NEMP2: variants seen among roughly 807,000 people sequenced by gnomAD.
NEMP2 encodes UPF0571 transmembrane protein.
Under a neutral mutation model 54.2 loss-of-function variants are expected in NEMP2, and 53 were observed. That is an observed-to-expected ratio of 0.98 (90% confidence interval 0.78 to 1.23). The LOEUF (loss-of-function observed/expected upper bound fraction) is 1.23, where lower values mean the gene tolerates loss of function less well. NEMP2 is among the 50% of genes most tolerant of loss of function. NEMP2 has a pLI of 0.00. For synonymous variants in NEMP2, 197 were observed against 190.3 expected (o/e 1.04, Z -0.29); for missense variants, 455 against 511.3 (o/e 0.89, Z 1.06).
chr2:190,534,775 A>AGGCGGAGACCCCGCCTCCCCGG (rs1195813198), upstream of NEMP2: 2 of 713,076 alleles, frequency 2.8e-6, no homozygotes, highest in Non-Finnish European at 3.9e-6. Flanking sequence ...AACGCGGGAA[A>AGGCGGAGACCCCGCCTCCCCGG]GGCGGAGACC....
the NEMP2 span, among the ~76,000 whole-genome samples, chr2:190,472,708 C>A: frequency 6.6e-6 from 1 of 152,046 alleles, no homozygotes; most frequent in South Asian, 2.1e-4. Flanking sequence ...CAAGGCAGGC[C>A]AACATTCAAA....
At chr2:190,556,420 A>C in the NEMP2 span, among the ~76,000 whole-genome samples, 1 of 152,240 alleles carries the variant, frequency 6.6e-6, no homozygotes, top group East Asian at 1.9e-4. Flanking sequence ...AACCGGCACA[A>C]GACATGGATG....
chr2:190,517,440 G>T, intron 5 of NEMP2, 80 bp downstream of exon 5: 1 of 981,942 alleles, frequency 1.0e-6, no homozygotes, highest in Non-Finnish European at 1.5e-6. Context: ...CTATCATAAT[G>T]TGAATTAATT....
At chr2:190,640,784 T>A in the NEMP2 span, among the ~76,000 whole-genome samples, 1 of 131,550 alleles carries the variant, frequency 7.6e-6, no homozygotes, top group South Asian at 2.5e-4. Flanking sequence ...ATTAACACAT[T>A]CAATTTTTTT....
At chr2:190,616,078 A>T in the NEMP2 span, among the ~76,000 whole-genome samples, 1 of 152,252 alleles carries the variant, frequency 6.6e-6, no homozygotes, top group Non-Finnish European at 1.5e-5. This position sits in a 1 kb window ranked among gnomAD's most constrained non-coding sequence, Gnocchi z 5.1. Context: ...TCTGCAGTTT[A>T]ATTTCAGGCC....
the NEMP2 span, among the ~76,000 whole-genome samples, chr2:190,565,733 A>G: frequency 6.6e-6 from 1 of 152,244 alleles, no homozygotes; most frequent in Non-Finnish European, 1.5e-5. Context: ...CCCAACACAG[A>G]GAACCTCAGA....
In NEMP2 at chr2:190,525,318, T is replaced by G. The variant is rs775360448; in HGVS notation, c.158A>C (p.Tyr53Ser). Residue 53 changes from tyrosine (Y) to serine (S), a missense_variant, in exon 2 of 9, where the codon TAC (tyrosine) becomes TCC (serine). Around this residue, in one of 3 missense-constraint regions of NEMP2, gnomAD observed 100 missense variants for 80.2 expected, o/e 1.25. Coordinates refer to ENST00000409150, the MANE Select transcript of NEMP2 (RefSeq NM_001142645.2). The surrounding 1 kb of genome is among the most constrained non-coding windows in gnomAD (Gnocchi z 5.0). ...DLIRTSESDC[Y>S]CYNQNSQVEW... ...CACTTGGGAATTTTGATTGTAGCAG[T>G]AACAGTCTGACTCAGACGTTCTAAT... is the stretch of plus-strand genomic sequence containing the variant. The G allele has an allele frequency of 6.4e-7, 1 of 1,550,982 alleles. No homozygotes were observed. The highest frequency in any genetic ancestry group is 1.7e-4 in the Middle Eastern group (1 of 5,952).
upstream of NEMP2, among the ~76,000 whole-genome samples, chr2:190,538,315 T>A (rs1691443923): frequency 6.6e-6 from 1 of 152,368 alleles, no homozygotes; most frequent in South Asian, 2.1e-4. The surrounding 1 kb of genome is among the most constrained non-coding windows in gnomAD (Gnocchi z 4.1). Context: ...TCATTTTTTT[T>A]ATGGCTGAAT....
At chr2:190,561,790 G>T in the NEMP2 span, among the ~76,000 whole-genome samples, 2 of 152,238 alleles carry the variant, frequency 1.3e-5, no homozygotes. The surrounding 1 kb of genome is among the most constrained non-coding windows in gnomAD (Gnocchi z 5.4). Flanking sequence ...TACCAGTACT[G>T]CAATTAATGT....
chr2:190,423,718 G>C, the NEMP2 span, among the ~76,000 whole-genome samples: 10 of 152,194 alleles, frequency 6.6e-5, no homozygotes, highest in Admixed American at 1.3e-4. This position sits in a 1 kb window ranked among gnomAD's most constrained non-coding sequence, Gnocchi z 4.3. Context: ...CTGCTAAACT[G>C]CTTTCTAGAG....
At chr2:190,437,288 C>G in the NEMP2 span, 1 of 1,614,212 alleles carries the variant, frequency 6.2e-7, no homozygotes, top group East Asian at 2.2e-5. This position sits in a 1 kb window ranked among gnomAD's most constrained non-coding sequence, Gnocchi z 5.9. Context: ...ACAGAGTCCT[C>G]TGAGGAGACA....
rs188616465 is a variant in NEMP2, at chr2:190,515,114, G to A, written c.728-436C>T. On this transcript the variant is annotated intron_variant, in intron 6 of 8. Coordinates refer to ENST00000409150, the MANE Select transcript of NEMP2 (RefSeq NM_001142645.2). ...ATCCAATGTTCAGTCTCATCATTACGATGGTGAGACTATAAGCTATTCTGT... is the reference window on the plus strand; with the variant it reads ...ATCCAATGTTCAGTCTCATCATTACAATGGTGAGACTATAAGCTATTCTGT... Among the ~76,000 whole-genome samples the A allele has an allele frequency of 1.1e-3, 174 of 152,246 alleles. 1 individual carries two copies. The highest frequency in any genetic ancestry group is 4.0e-3 in the African/African-American group (167 of 41,548).
the NEMP2 span, among the ~76,000 whole-genome samples, chr2:190,606,380 T>C: frequency 2.6e-5 from 4 of 152,294 alleles, no homozygotes; most frequent in Middle Eastern, 3.4e-3. Flanking sequence ...ATTTCGAACA[T>C]GAAAAGTATC....
chr2:190,541,263 T>C, the NEMP2 span, among the ~76,000 whole-genome samples: 1 of 152,002 alleles, frequency 6.6e-6, no homozygotes, highest in Non-Finnish European at 1.5e-5. This position sits in a 1 kb window ranked among gnomAD's most constrained non-coding sequence, Gnocchi z 5.2. Flanking sequence ...ATTTGGGGTT[T>C]GGTTTGTTCT....
the NEMP2 span, among the ~76,000 whole-genome samples, chr2:190,595,399 C>A: frequency 1.5e-4 from 23 of 152,232 alleles, no homozygotes; most frequent in African/African-American, 5.3e-4. This position sits in a 1 kb window ranked among gnomAD's most constrained non-coding sequence, Gnocchi z 4.0. Context: ...CCCAAATTGA[C>A]AAATGGGATC....
chr2:190,617,705 AT>A, the NEMP2 span, among the ~76,000 whole-genome samples: 1 of 152,214 alleles, frequency 6.6e-6, no homozygotes, highest in Admixed American at 6.5e-5. This position sits in a 1 kb window ranked among gnomAD's most constrained non-coding sequence, Gnocchi z 5.0. Context: ...TTTCTAGAAA[AT>A]AACTTAACAA....
At chr2:190,571,294 G>A in the NEMP2 span, among the ~76,000 whole-genome samples, 1 of 152,176 alleles carries the variant, frequency 6.6e-6, no homozygotes, top group East Asian at 1.9e-4. Context: ...TGTAATCCCA[G>A]CACTTTGGGA....
At chr2:190,472,796 A>G in the NEMP2 span, among the ~76,000 whole-genome samples, 1 of 152,240 alleles carries the variant, frequency 6.6e-6, no homozygotes, top group African/African-American at 2.4e-5. Flanking sequence ...AGATTCACCA[A>G]AGTTGAAATG....
chr2:190,553,966 G>C, the NEMP2 span, among the ~76,000 whole-genome samples: 5 of 152,246 alleles, frequency 3.3e-5, no homozygotes, highest in African/African-American at 9.6e-5. Context: ...GAGGTACCCA[G>C]TTCATCTCAC....
Sources: allele counts gnomAD v4.1 joint callset (sites outside exome capture counted in the v4.1 genomes callset), GRCh38; gene constraint gnomAD v4.1.1; regional missense constraint gnomAD v4.1.1; non-coding constraint Gnocchi (gnomAD v3.1); transcripts MANE v1.5; gene names NCBI Gene and HGNC (gene_info 2026-07-23, HGNC 2026-07-21).